The following IL6R variants were observed in gnomAD, a reference collection of about 807,000 sequenced individuals.
The protein encoded by IL6R is interleukin 6 receptor, also known as interleukin-6 receptor subunit alpha.
IL6R carries 38 observed loss-of-function variants against 48.3 expected under a neutral mutation model. The ratio of observed to expected loss-of-function variants is 0.79; its 90% CI spans 0.61 to 1.03. The LOEUF (loss-of-function observed/expected upper bound fraction) is 1.03. IL6R is among the 50% of genes least tolerant of loss of function. IL6R has a pLI of 0.00. For missense variants in IL6R, 534 were observed against 618.3 expected (o/e 0.86, Z 1.45); for synonymous variants, 264 against 256.2 (o/e 1.03, Z -0.29).
chr1:154,454,417 C>T, intron 8 of IL6R, 71 bp from the exon 9 acceptor site: 1 of 1,000,212 alleles, frequency 1.0e-6, no homozygotes, highest in Non-Finnish European at 1.5e-6. Flanking sequence ...AAGTGGTTTT[C>T]TTCTCCTCCT....
chr1:154,447,438 C>CAAAA (rs201893129), intron 6 of IL6R, among the ~76,000 whole-genome samples: 1,572 of 37,340 alleles, frequency 0.042, 31 homozygotes, highest in Non-Finnish European at 0.068. Flanking sequence ...AACTCCATCT[C>CAAAA]AAAAAAAAAA....
At chr1:154,407,727 T>G (rs891453935) in intron 1 of IL6R, among the ~76,000 whole-genome samples, 16 of 152,232 alleles carry the variant, frequency 1.1e-4, no homozygotes, top group Non-Finnish European at 2.4e-4. Flanking sequence ...CCCAGAGGTT[T>G]GTTTTCCTCG....
At chr1:154,429,159 G>T (rs1264895624) in intron 1 of IL6R, 37 bp from the exon 2 acceptor site, 2 of 1,589,756 alleles carry the variant, frequency 1.3e-6, no homozygotes, top group South Asian at 2.2e-5. Flanking sequence ...CTTCTTCAGT[G>T]GCTGTGGGCT....
intron 1 of IL6R, among the ~76,000 whole-genome samples, chr1:154,406,880 G>T (rs943081390): frequency 6.6e-6 from 1 of 152,092 alleles, no homozygotes; most frequent in African/African-American, 2.4e-5. Context: ...CTGTTGATTG[G>T]GGCACCCATT....
chr1:154,414,922 T>C (rs536005858), intron 1 of IL6R: 2 of 1,042,076 alleles, frequency 1.9e-6, no homozygotes, highest in East Asian at 2.6e-5. Context: ...CATGTGGCGC[T>C]GGAAGGAGGG....
intron 1 of IL6R, among the ~76,000 whole-genome samples, chr1:154,419,218 T>C (rs1454306329): frequency 6.6e-6 from 1 of 152,010 alleles, no homozygotes; most frequent in African/African-American, 2.4e-5. Flanking sequence ...TTTTTGTGAG[T>C]AGTGTGCTCT....
At chr1:154,460,022 G>A (rs1395915483) in intron 9 of IL6R, among the ~76,000 whole-genome samples, 3 of 152,150 alleles carry the variant, frequency 2.0e-5, no homozygotes, top group Non-Finnish European at 4.4e-5. Flanking sequence ...GGTGCAGTGG[G>A]CACTGTCTGT....
In IL6R at chr1:154,468,622, C is replaced by T. The variant is rs1012888462; in HGVS notation, c.*3242C>T. 1 of 152,246 alleles carries T rather than the reference C, an allele frequency of 6.6e-6. No homozygotes were observed. The highest frequency in any genetic ancestry group is 2.4e-5 in the African/African-American group (1 of 41,446). 9.4% of individuals were successfully genotyped at this position (152,246 alleles called of 1,614,324 possible). A position where few individuals can be genotyped will look rare whatever the true frequency, so the allele number is the denominator to read the frequency against. ...TTCACACGGAGCCTCTGGCACTTCCCTGCTGTCTTGGGAGAAAGGAAACTG... is the reference window on the plus strand; with the variant it reads ...TTCACACGGAGCCTCTGGCACTTCCTTGCTGTCTTGGGAGAAAGGAAACTG... On this transcript the variant is annotated 3_prime_UTR_variant, in exon 10 of 10. Transcript: ENST00000368485.
chr1:154,459,469 G>A (rs191599261), intron 9 of IL6R, among the ~76,000 whole-genome samples: 120 of 152,338 alleles, frequency 7.9e-4, no homozygotes, highest in Non-Finnish European at 1.3e-3. Context: ...GAAATACTGT[G>A]GGGCTCTGGG....
At chr1:154,433,658 G>A (rs1355699302) in intron 3 of IL6R, among the ~76,000 whole-genome samples, 1 of 152,122 alleles carries the variant, frequency 6.6e-6, no homozygotes, top group African/African-American at 2.4e-5. Context: ...CTCGTGCCAG[G>A]CGCTAGGCTA....
At chr1:154,450,079 A>G (rs1202268674) in intron 8 of IL6R, 99 bp downstream of exon 8, 1 of 749,962 alleles carries the variant, frequency 1.3e-6, no homozygotes, top group Non-Finnish European at 2.4e-6. Context: ...CAGAGGATCA[A>G]TCACAGATCA....
chr1:154,462,346 A>T (rs1691306767), intron 9 of IL6R, among the ~76,000 whole-genome samples: 1 of 148,730 alleles, frequency 6.7e-6, no homozygotes, highest in African/African-American at 2.5e-5. Flanking sequence ...ATTCTTTCAC[A>T]TTAGTACAAA....
chr1:154,447,107 T>C (rs1189341155), intron 6 of IL6R, among the ~76,000 whole-genome samples: 1 of 152,018 alleles, frequency 6.6e-6, no homozygotes, highest in Non-Finnish European at 1.5e-5. Context: ...GCCACTGCAC[T>C]CCAGCCTGGC....
At chr1:154,449,609 T>C (rs1282876778) in intron 7 of IL6R, among the ~76,000 whole-genome samples, 1 of 152,210 alleles carries the variant, frequency 6.6e-6, no homozygotes, top group African/African-American at 2.4e-5. Context: ...CCTGCATCCT[T>C]GCATCGGACC....
intron 6 of IL6R, among the ~76,000 whole-genome samples, chr1:154,439,503 T>TG (rs1488564142): frequency 1.3e-5 from 2 of 151,912 alleles, no homozygotes; most frequent in African/African-American, 4.8e-5. Flanking sequence ...TTAGTGGAGA[T>TG]GGGGTTTCAC....
chr1:154,414,960 G>T, intron 1 of IL6R: 1 of 1,349,588 alleles, frequency 7.4e-7, no homozygotes, highest in Non-Finnish European at 1.0e-6. Flanking sequence ...TGCTCCACTG[G>T]CCCCGATCTT....
At chr1:154,458,384 T>C (rs1328193971) in intron 9 of IL6R, among the ~76,000 whole-genome samples, 1 of 152,200 alleles carries the variant, frequency 6.6e-6, no homozygotes, top group Non-Finnish European at 1.5e-5. Context: ...GTTATATTTT[T>C]TGGCCAGTGA....
intron 1 of IL6R, among the ~76,000 whole-genome samples, chr1:154,408,526 G>T (rs1687858078): frequency 6.6e-6 from 1 of 152,052 alleles, no homozygotes; most frequent in East Asian, 1.9e-4. Flanking sequence ...TGGGGTAGGG[G>T]GTGGTTAGAG....
intron 6 of IL6R, among the ~76,000 whole-genome samples, chr1:154,440,103 A>G (rs1446576880): frequency 6.6e-6 from 1 of 152,186 alleles, no homozygotes; most frequent in East Asian, 1.9e-4. Context: ...AGGTTTCACC[A>G]TGTTGCCCAG....
Sources: allele counts gnomAD v4.1 joint callset (sites outside exome capture counted in the v4.1 genomes callset), GRCh38; gene constraint gnomAD v4.1.1; transcripts MANE v1.5; gene names NCBI Gene and HGNC (gene_info 2026-07-23, HGNC 2026-07-21).